The following TULP4 variants were observed in gnomAD, a reference collection of about 807,000 sequenced individuals.
The protein encoded by TULP4 is tubby-related protein 4.
TULP4 carries 16 observed loss-of-function variants against 129.0 expected under a neutral mutation model. That is an observed-to-expected ratio of 0.12 (90% CI 0.08 to 0.19). The LOEUF is 0.19. TULP4 is among the 10% of genes least tolerant of loss of function. The pLI, the probability that TULP4 is intolerant of heterozygous loss-of-function variation, is 1.00. For synonymous variants in TULP4, 998 were observed against 854.0 expected, an observed-to-expected ratio of 1.17 and a Z score of -2.94; for missense variants, 1,842 against 2,059.1, an observed-to-expected ratio of 0.89 and a Z score of 2.04.
chr6:158,284,405 A>G (rs1462797803), intron 1 of TULP4, among the ~76,000 whole-genome samples: 1 of 152,236 alleles, frequency 6.6e-6, no homozygotes, highest in Admixed American at 6.5e-5. Context: ...GCAGAAAGAA[A>G]GAAATGCAAA....
chr6:158,277,510 A>C (rs1055318549), upstream of TULP4, among the ~76,000 whole-genome samples: 1 of 152,238 alleles, frequency 6.6e-6, no homozygotes, highest in Admixed American at 6.5e-5. Context: ...AGACTTTAAC[A>C]ACATAGTCCG....
intron 1 of TULP4, among the ~76,000 whole-genome samples, chr6:158,388,110 A>G (rs773723090): frequency 2.6e-5 from 4 of 152,144 alleles, no homozygotes; most frequent in African/African-American, 9.7e-5. Flanking sequence ...AAGAGATTCA[A>G]GTATCTAAAA....
In TULP4 at chr6:158,462,981, C is replaced by T. The variant is rs1004935337; in HGVS notation, c.1026+1252C>T. 3.3e-5 allele frequency among the ~76,000 whole-genome samples: 5 copies of T among 151,920 alleles called. No individual in the cohort carries two copies. The South Asian group carries it at 8.3e-4, about 25-fold the overall frequency. ...GTTGGCCAGGCTGGTATTGAACTCC[C>T]GACCTCAGGTGATCCACCTGCCTCA... On this transcript the variant is annotated intron_variant, in intron 6 of 13. Transcript: ENST00000367097.
chr6:158,474,595 C>G (rs886589529), intron 6 of TULP4, among the ~76,000 whole-genome samples: 1 of 152,232 alleles, frequency 6.6e-6, no homozygotes, highest in African/African-American at 2.4e-5. Flanking sequence ...TGCTGTTGCT[C>G]TGGCTCTCGC....
chr6:158,240,690 CG>C (rs1262409570), intron 1 of TULP4, among the ~76,000 whole-genome samples: 2 of 105,686 alleles, frequency 1.9e-5, no homozygotes, highest in African/African-American at 6.1e-5. Context: ...GCTGGCCAGG[CG>C]GGGGGCTGAC....
intron 6 of TULP4, among the ~76,000 whole-genome samples, chr6:158,465,512 A>G (rs993255689): frequency 6.6e-5 from 10 of 152,214 alleles, no homozygotes; most frequent in African/African-American, 1.9e-4. Flanking sequence ...ATTTGTGCCC[A>G]GAAGTGGACT....
At chr6:158,302,518 G>T (rs1233335642) in intron 1 of TULP4, among the ~76,000 whole-genome samples, 1 of 152,060 alleles carries the variant, frequency 6.6e-6, no homozygotes, top group African/African-American at 2.4e-5. Flanking sequence ...GAGAGAGAAG[G>T]TTCCACATTT....
chr6:158,319,364 AT>A (rs1779570508), intron 1 of TULP4, among the ~76,000 whole-genome samples: 1 of 152,158 alleles, frequency 6.6e-6, no homozygotes, highest in South Asian at 2.1e-4. Flanking sequence ...CTTGGGTTTT[AT>A]TTAATTTGGT....
chr6:158,457,486 G>A (rs917422085), intron 5 of TULP4, among the ~76,000 whole-genome samples: 4 of 152,188 alleles, frequency 2.6e-5, no homozygotes, highest in Admixed American at 2.0e-4. Flanking sequence ...TCTTCCTTCA[G>A]AACAGGGACT....
At chr6:158,287,326 T>C (rs1233801728) in intron 1 of TULP4, among the ~76,000 whole-genome samples, 1 of 152,234 alleles carries the variant, frequency 6.6e-6, no homozygotes, top group African/African-American at 2.4e-5. Flanking sequence ...TAAAATAATA[T>C]AATTTACGAC....
chr6:158,427,283 C>T (rs1164982096), intron 2 of TULP4, among the ~76,000 whole-genome samples: 1 of 152,070 alleles, frequency 6.6e-6, no homozygotes, highest in Non-Finnish European at 1.5e-5. Flanking sequence ...CAACCAGTGA[C>T]AGAAAGCAGA....
At chr6:158,432,135 C>T (rs1778644780) in intron 3 of TULP4, among the ~76,000 whole-genome samples, 1 of 149,002 alleles carries the variant, frequency 6.7e-6, no homozygotes. Flanking sequence ...AAAGGATTTG[C>T]AGGTCACTGA....
rs544839493 is a variant in TULP4, at chr6:158,248,198, T to C, written n.68+15895T>C. Among the ~76,000 whole-genome samples the C allele has an allele frequency of 9.9e-5, 15 of 152,216 alleles. No homozygotes were observed. In the East Asian group the frequency reaches 2.9e-3, roughly 29 times the overall value. On this transcript the variant is annotated intron_variant and non_coding_transcript_variant, in intron 1 of 1. Coordinates refer to the TULP4 transcript ENST00000620026. ...GGCTCATGCCTGTAATCCCAGCATTTTGGGAGGCTGAGTTGGGTGGATCAT... is the reference window on the plus strand; with the variant it reads ...GGCTCATGCCTGTAATCCCAGCATTCTGGGAGGCTGAGTTGGGTGGATCAT...
At chr6:158,300,494 T>G (rs1779113616) in intron 1 of TULP4, among the ~76,000 whole-genome samples, 1 of 152,230 alleles carries the variant, frequency 6.6e-6, no homozygotes, top group Non-Finnish European at 1.5e-5. Flanking sequence ...CCGCCACAGC[T>G]TGTCCCTGAG....
chr6:158,285,350 C>T (rs1447025613), intron 1 of TULP4, among the ~76,000 whole-genome samples: 4 of 151,888 alleles, frequency 2.6e-5, no homozygotes, highest in African/African-American at 9.7e-5. Context: ...CACAGTAGTT[C>T]CATTGTAATG....
rs1779431443 is a variant in TULP4, at chr6:158,314,090, G to A, written c.74G>A (p.Arg25His). 3.7e-6 allele frequency: 6 copies of A among 1,614,214 alleles called. No homozygotes were observed. Among genetic ancestry groups the A allele is most frequent in the Non-Finnish European group, 5.1e-6 (6 of 1,180,038 alleles). The change falls in exon 1 of 14, where the codon CGT (arginine) becomes CAT (histidine). Residue 25 changes from arginine (R) to histidine (H), a missense_variant. Physicochemically the swap from Arg to His is conservative, Grantham distance 29 (BLOSUM62 0). Transcript: ENST00000367097. ...ATCCTGTGCCTGTCCTGGAAGGGGC[G>A]TGTCCCCAAGAGTGAGAAGGAGAAG... is the stretch of plus-strand genomic sequence containing the variant. ...SNILCLSWKG[R>H]VPKSEKEKPV...
intron 1 of TULP4, among the ~76,000 whole-genome samples, chr6:158,370,876 T>C (rs1028449932): frequency 6.6e-6 from 1 of 152,216 alleles, no homozygotes; most frequent in Admixed American, 6.5e-5. Flanking sequence ...TGTTTCTCCA[T>C]TTTCTCTTCT....
intron 1 of TULP4, among the ~76,000 whole-genome samples, chr6:158,240,231 C>T (rs1337177859): frequency 3.8e-5 from 3 of 79,526 alleles, no homozygotes; most frequent in African/African-American, 1.3e-4. Flanking sequence ...ACCCCCCCAC[C>T]TCCCTCCCGG....
At chr6:158,505,602 ACGCAGACTGGGGACCAGAGG>A (rs1264926220) in intron 13 of TULP4, among the ~76,000 whole-genome samples, 1 of 152,242 alleles carries the variant, frequency 6.6e-6, no homozygotes, top group Non-Finnish European at 1.5e-5. Context: ...GCTGTGGAAC[ACGCAGACTGGGGACCAGAGG>A]CGGATGAGTG....
Sources: gnomAD v4.1 joint callset for allele counts (sites outside exome capture counted in the v4.1 genomes callset) on GRCh38, gnomAD v4.1.1 for gene constraint, MANE v1.5 for transcripts, NCBI Gene and HGNC (gene_info 2026-07-23, HGNC 2026-07-21) for gene names.